MEGF11: variants seen among roughly 807,000 people sequenced by gnomAD.
MEGF11 encodes multiple EGF like domains 11.
Under a neutral mutation model 146.6 loss-of-function variants are expected in MEGF11, and 126 were observed. That is an observed-to-expected ratio of 0.86 (90% CI 0.74 to 1.00). MEGF11 has a LOEUF of 1.00. Ranked by LOEUF, MEGF11 falls within the 50% of genes least tolerant of loss-of-function variation. The pLI, the probability that MEGF11 is intolerant of heterozygous loss-of-function variation, is 0.00. For missense variants in MEGF11, 1,509 were observed against 1,521.2 expected, an observed-to-expected ratio of 0.99 and a Z score of 0.13; for synonymous variants, 532 against 583.4, an observed-to-expected ratio of 0.91 and a Z score of 1.27.
chr15:66,238,190 G>T (rs2092136181), intron 1 of MEGF11, among the ~76,000 whole-genome samples: 1 of 152,214 alleles, frequency 6.6e-6, no homozygotes, highest in Non-Finnish European at 1.5e-5. Context: ...ACTGCTAGGA[G>T]CCCAGTTTTC....
intron 5 of MEGF11, among the ~76,000 whole-genome samples, chr15:66,061,021 A>G (rs2084884916): frequency 6.6e-6 from 1 of 152,218 alleles, no homozygotes; most frequent in African/African-American, 2.4e-5. Context: ...GGGATTCCCC[A>G]GCTAGGGCCA....
chr15:65,902,853 A>C (rs1009177464), intron 24 of MEGF11, among the ~76,000 whole-genome samples: 2 of 152,158 alleles, frequency 1.3e-5, no homozygotes, highest in African/African-American at 4.8e-5. Flanking sequence ...CATTTTATAA[A>C]GGGAGCATCA....
chr15:66,237,038 G>A (rs960977637), intron 1 of MEGF11, among the ~76,000 whole-genome samples: 13 of 151,910 alleles, frequency 8.6e-5, no homozygotes, highest in African/African-American at 1.5e-4. Context: ...CAGGCACCCC[G>A]GGCTGTTGGA....
intron 12 of MEGF11, 68 bp from the exon 13 acceptor site, chr15:65,928,595 ATCTTT>A (rs2079458689): frequency 1.8e-6 from 2 of 1,099,392 alleles, no homozygotes; most frequent in Non-Finnish European, 1.3e-6. Context: ...ACTTCTATGG[ATCTTT>A]TCTTTAATTT....
intron 5 of MEGF11, among the ~76,000 whole-genome samples, chr15:66,082,695 G>A (rs535202059): frequency 6.2e-4 from 17 of 27,406 alleles, no homozygotes; most frequent in African/African-American, 1.2e-3. Flanking sequence ...AAAAAAGGGC[G>A]GTGCGGAGGG....
chr15:66,162,773 G>C (rs1010714999), intron 1 of MEGF11, among the ~76,000 whole-genome samples: 4 of 151,950 alleles, frequency 2.6e-5, no homozygotes, highest in African/African-American at 9.7e-5. Flanking sequence ...CTTAACACTT[G>C]TGCACTTTAC....
rs1462621231 is a variant in MEGF11 at position 66,253,605 on chromosome 15, C to G, written c.-9G>C. The stretch of plus-strand genomic sequence containing the variant: ...TCGCGGTCCCCACTCAGCCACCTAC[C>G]TGCTCCCGCGGCCGGCCCAGGGATC... On this transcript the variant is annotated splice_region_variant and 5_prime_UTR_variant, in exon 1 of 26. Coordinates refer to ENST00000395614, the MANE Select transcript of MEGF11 (RefSeq NM_001385028.1). 1 of 152,160 alleles carries G rather than the reference C, an allele frequency of 6.6e-6. No individual in the cohort carries two copies. Among genetic ancestry groups the G allele is most frequent in the Non-Finnish European group, 1.5e-5 (1 of 68,066 alleles). The allele number at this position is 152,160 out of a possible 1,614,324, so 9.4% of individuals were successfully genotyped here. A position where few individuals can be genotyped will look rare whatever the true frequency, so the allele number is the denominator to read the frequency against.
chr15:66,110,840 AC>A (rs955728136), intron 4 of MEGF11, among the ~76,000 whole-genome samples: 8 of 151,278 alleles, frequency 5.3e-5, no homozygotes, highest in Admixed American at 1.3e-4. Context: ...CCTTTCCTCC[AC>A]CCCCCATGCC....
At position 65,954,392 on chromosome 15, in the gene MEGF11, G is replaced by T. The variant is rs115393412; in HGVS notation, c.1287+3155C>A. Among the ~76,000 whole-genome samples, 1,107 of 152,280 alleles carry T rather than the reference G, an allele frequency of 7.3e-3. 11 individuals carry two copies. The highest frequency in any genetic ancestry group is 0.025 in the African/African-American group (1,030 of 41,560). On this transcript the variant is annotated intron_variant, in intron 10 of 25. Transcript: ENST00000395614. The stretch of plus-strand genomic sequence containing the variant: ...GGAAGTTGCATTCACTCAGAAGCTG[G>T]AGTGAGGACAAGAGTAATGGCTTCC...
At chr15:66,138,307 T>C (rs16949548) in intron 1 of MEGF11, among the ~76,000 whole-genome samples, 104,899 of 152,066 alleles carry the variant, frequency 0.69, 37,548 homozygotes, top group South Asian at 0.85. Context: ...CTGGCTGCGG[T>C]GAGACTGCTA....
intron 1 of MEGF11, among the ~76,000 whole-genome samples, chr15:66,216,252 C>T (rs181808671): frequency 1.3e-5 from 2 of 152,228 alleles, no homozygotes; most frequent in Non-Finnish European, 1.5e-5. Flanking sequence ...ATTCCAGATC[C>T]TTCTTGAAAT....
At chr15:65,994,223 G>C (rs913839022) in intron 5 of MEGF11, among the ~76,000 whole-genome samples, 4 of 152,224 alleles carry the variant, frequency 2.6e-5, no homozygotes, top group Non-Finnish European at 5.9e-5. Context: ...GTTCTCACTG[G>C]AAGTTCTTTC....
intron 1 of MEGF11, among the ~76,000 whole-genome samples, chr15:66,244,577 G>A (rs911969305): frequency 6.6e-6 from 1 of 152,100 alleles, no homozygotes; most frequent in Non-Finnish European, 1.5e-5. Context: ...CTCTCCTGCT[G>A]GCTGAGTGAG....
In MEGF11 at chr15:65,980,773, C is replaced by T. The variant is rs1250860998; in HGVS notation, c.762+5G>A. ...GCCCCACCCAGATCCTTTGGGCCCA[C>T]TTACCGTCCAGCCTGGGGGGCAGGC... On this transcript the variant is annotated splice_donor_5th_base_variant and intron_variant, in intron 7 of 25. Coordinates refer to ENST00000395614, the MANE Select transcript of MEGF11 (RefSeq NM_001385028.1). 6.3e-7 allele frequency: 1 copy of T among 1,594,776 alleles called. No individual in the cohort carries two copies.
intron 5 of MEGF11, among the ~76,000 whole-genome samples, chr15:66,053,247 C>T (rs1009163212): frequency 1.3e-5 from 2 of 152,172 alleles, no homozygotes; most frequent in African/African-American, 4.8e-5. Flanking sequence ...TTTGTGTTTT[C>T]CACAATGCTT....
At chr15:66,105,298 A>G (rs975139490) in intron 4 of MEGF11, among the ~76,000 whole-genome samples, 5 of 152,200 alleles carry the variant, frequency 3.3e-5, no homozygotes, top group Non-Finnish European at 7.3e-5. Context: ...AGGAGGAGGA[A>G]GAGAGAGACA....
chr15:66,133,378 C>A (rs1403392651), intron 1 of MEGF11, among the ~76,000 whole-genome samples: 1 of 152,208 alleles, frequency 6.6e-6, no homozygotes, highest in Non-Finnish European at 1.5e-5. Flanking sequence ...AGAAGCAAAC[C>A]CCAAACTGGA....
intron 5 of MEGF11, among the ~76,000 whole-genome samples, chr15:66,089,243 C>A (rs1056338624): frequency 2.0e-5 from 3 of 152,238 alleles, no homozygotes; most frequent in Admixed American, 1.3e-4. Context: ...TTGGTTCCAG[C>A]TGCCTTCATC....
rs144879665 is a variant in MEGF11, at chr15:66,194,073, C to T, written c.-9+59532G>A. ...CATGCATGTTTACAGCAGTACAATT[C>T]GCAATTGCAAAAATATGGAACCAGC... On this transcript the variant is annotated intron_variant, in intron 1 of 25. Transcript: ENST00000395614. Among the ~76,000 whole-genome samples, 4 of 152,210 alleles carry T rather than the reference C, an allele frequency of 2.6e-5. No individual in the cohort carries two copies. In the East Asian group the frequency reaches 5.8e-4, roughly 22 times the overall value.
Sources: gnomAD v4.1 joint callset for allele counts (sites outside exome capture counted in the v4.1 genomes callset) on GRCh38, gnomAD v4.1.1 for gene constraint, MANE v1.5 for transcripts, NCBI Gene and HGNC (gene_info 2026-07-23, HGNC 2026-07-21) for gene names.